The following PTPRK variants were observed in gnomAD, a reference collection of about 807,000 sequenced individuals.
PTPRK encodes the protein receptor-type tyrosine-protein phosphatase kappa.
Under a neutral mutation model 178.0 loss-of-function variants are expected in PTPRK, and 75 were observed. The ratio of observed to expected loss-of-function variants is 0.42; its 90% CI spans 0.35 to 0.51. PTPRK has a LOEUF of 0.51. Ranked by LOEUF, PTPRK falls within the 20% of genes least tolerant of loss-of-function variation. The pLI is 0.02. For synonymous variants in PTPRK, 637 were observed against 620.6 expected, an observed-to-expected ratio of 1.03 and a Z score of -0.39; for missense variants, 1,441 against 1,797.8, an observed-to-expected ratio of 0.80 and a Z score of 3.59.
At chr6:128,143,365 G>A (rs921926603) in intron 7 of PTPRK, among the ~76,000 whole-genome samples, 4 of 152,084 alleles carry the variant, frequency 2.6e-5, no homozygotes, top group Admixed American at 1.3e-4. Context: ...GTAATTATCC[G>A]ATTTGAAATG....
chr6:128,456,811 T>C (rs766841273), intron 1 of PTPRK, among the ~76,000 whole-genome samples: 7 of 152,110 alleles, frequency 4.6e-5, no homozygotes, highest in Non-Finnish European at 8.8e-5. Context: ...TTCATTGGCT[T>C]TTTACAGATA....
chr6:128,286,325 C>T (rs1330631024), intron 3 of PTPRK, among the ~76,000 whole-genome samples: 1 of 152,030 alleles, frequency 6.6e-6, no homozygotes, highest in Non-Finnish European at 1.5e-5. Context: ...TTTTTGTTCT[C>T]CTTCTCTTTT....
chr6:128,097,276 C>G (rs1788072431), intron 7 of PTPRK, among the ~76,000 whole-genome samples: 1 of 152,168 alleles, frequency 6.6e-6, no homozygotes, highest in Admixed American at 6.5e-5. Flanking sequence ...TCACTCAGCT[C>G]TCCTGCAGAA....
At chr6:128,027,657 G>A (rs1774546509) in intron 13 of PTPRK, among the ~76,000 whole-genome samples, 1 of 151,984 alleles carries the variant, frequency 6.6e-6, no homozygotes, top group African/African-American at 2.4e-5. Context: ...GAGTGCAGTG[G>A]AGCCATCTCA....
At position 128,026,216 on chromosome 6, in the gene PTPRK, G is replaced by A. The variant is rs147450683; in HGVS notation, c.2195-16948C>T. On this transcript the variant is annotated intron_variant, in intron 13 of 29. Transcript: ENST00000368226. ...AGACAACATCTTCTCTTCATGTTCCGTTGTTTGTAATTTGTTTTTACTGCT... is the reference window on the plus strand; with the variant it reads ...AGACAACATCTTCTCTTCATGTTCCATTGTTTGTAATTTGTTTTTACTGCT... 9.3e-3 allele frequency among the ~76,000 whole-genome samples: 1,421 copies of A among 152,234 alleles called. 19 individuals carry two copies. Among genetic ancestry groups the A allele is most frequent in the African/African-American group, 0.032 (1,333 of 41,534 alleles).
chr6:128,107,175 T>A (rs1189270836), intron 7 of PTPRK, among the ~76,000 whole-genome samples: 1 of 152,062 alleles, frequency 6.6e-6, no homozygotes, highest in Non-Finnish European at 1.5e-5. Flanking sequence ...TGCTAGTACA[T>A]GTTTATCTCA....
chr6:128,112,854 G>A (rs923423862), intron 7 of PTPRK, among the ~76,000 whole-genome samples: 6 of 152,064 alleles, frequency 3.9e-5, no homozygotes, highest in African/African-American at 1.2e-4. Flanking sequence ...CTGGGTAAAT[G>A]CAGTTTGATT....
chr6:128,202,185 G>A lies in PTPRK; in HGVS notation c.868+16737C>T, dbSNP rs9491925. 3.5e-3 allele frequency among the ~76,000 whole-genome samples: 527 copies of A among 152,254 alleles called. 1 individual carries two copies. Among genetic ancestry groups the A allele is most frequent in the African/African-American group, 0.012 (490 of 41,558 alleles). On this transcript the variant is annotated intron_variant, in intron 6 of 29. Coordinates refer to ENST00000368226, the MANE Select transcript of PTPRK (RefSeq NM_002844.4). Reference sequence around the variant, plus strand: ...TGACTAGGCAAACAGCTCAACCCACGGAAAATGAAGAAAAGCAGGGTGGGG... The same window carrying A: ...TGACTAGGCAAACAGCTCAACCCACAGAAAATGAAGAAAAGCAGGGTGGGG...
At chr6:128,245,021 G>A (rs1167107296) in intron 3 of PTPRK, among the ~76,000 whole-genome samples, 2 of 152,152 alleles carry the variant, frequency 1.3e-5, no homozygotes, top group Non-Finnish European at 2.9e-5. Context: ...CTGATAATAA[G>A]TTACATTTGT....
At chr6:128,424,622 C>T (rs1309294113) in intron 1 of PTPRK, among the ~76,000 whole-genome samples, 1 of 152,104 alleles carries the variant, frequency 6.6e-6, no homozygotes, top group Non-Finnish European at 1.5e-5. Flanking sequence ...TCTCCTTCGG[C>T]CCAAAGGCTG....
rs556888242 is a variant in PTPRK, at chr6:128,235,286, A to T, written c.693+4749T>A. 10 of 150,734 alleles carry T rather than the reference A, an allele frequency of 6.6e-5. No individual in the cohort carries two copies. In the East Asian group the frequency reaches 1.8e-3, roughly 28 times the overall value. 9.3% of individuals were successfully genotyped at this position (150,734 alleles called of 1,614,324 possible). ...AATACTGAAAATAAATAATTCAAAA[A>T]ATTCAAAATTTAAAAATAACCAACA... On this transcript the variant is annotated intron_variant, in intron 5 of 29. Coordinates refer to ENST00000368226, the MANE Select transcript of PTPRK (RefSeq NM_002844.4).
chr6:128,467,623 T>C (rs981106626), intron 1 of PTPRK, among the ~76,000 whole-genome samples: 44 of 152,256 alleles, frequency 2.9e-4, no homozygotes, highest in Admixed American at 1.6e-3. Context: ...CTTCTCTTCA[T>C]GTTCTTGGCT....
At chr6:128,301,074 C>A (rs985707775) in intron 3 of PTPRK, among the ~76,000 whole-genome samples, 1 of 152,080 alleles carries the variant, frequency 6.6e-6, no homozygotes, top group East Asian at 1.9e-4. Context: ...CCCATTGTTA[C>A]ATTTTAAGTA....
At chr6:128,089,257 C>G (rs567400647) in intron 8 of PTPRK, among the ~76,000 whole-genome samples, 1 of 152,232 alleles carries the variant, frequency 6.6e-6, no homozygotes, top group Non-Finnish European at 1.5e-5. Flanking sequence ...AACCACTACA[C>G]CCGGCCCAAC....
At chr6:128,463,803 G>A (rs1354016516) in intron 1 of PTPRK, among the ~76,000 whole-genome samples, 1 of 138,404 alleles carries the variant, frequency 7.2e-6, no homozygotes, top group Non-Finnish European at 1.5e-5. Flanking sequence ...CCAGGCTGGA[G>A]TGCAGTGGCA....
At chr6:128,300,046 A>T (rs543478436) in intron 3 of PTPRK, among the ~76,000 whole-genome samples, 17 of 152,104 alleles carry the variant, frequency 1.1e-4, no homozygotes, top group East Asian at 5.8e-4. Context: ...AACAACCCCA[A>T]CAAAAAGTGG....
chr6:128,416,178 A>C (rs1842826134), intron 1 of PTPRK, among the ~76,000 whole-genome samples: 1 of 152,154 alleles, frequency 6.6e-6, no homozygotes, highest in African/African-American at 2.4e-5. Context: ...ACTTGGGTGG[A>C]TGGTCAAAAA....
chr6:128,068,699 G>A (rs955374625), intron 11 of PTPRK, among the ~76,000 whole-genome samples: 1 of 150,620 alleles, frequency 6.6e-6, no homozygotes, highest in Non-Finnish European at 1.5e-5. Context: ...ATTTTTTCAG[G>A]TAAAATATTA....
chr6:128,168,295 A>T (rs547498499), intron 7 of PTPRK, among the ~76,000 whole-genome samples: 10 of 152,212 alleles, frequency 6.6e-5, no homozygotes, highest in East Asian at 3.9e-4. Flanking sequence ...GGTAGAGAAA[A>T]GGAACCCTTG....
Sources: gnomAD v4.1 joint callset for allele counts (sites outside exome capture counted in the v4.1 genomes callset) on GRCh38, gnomAD v4.1.1 for gene constraint, MANE v1.5 for transcripts, NCBI Gene and HGNC (gene_info 2026-07-23, HGNC 2026-07-21) for gene names.